The following L3MBTL1 variants were observed in gnomAD, a reference collection of about 807,000 sequenced individuals.
The protein encoded by L3MBTL1 is lethal(3)malignant brain tumor-like protein 1.
In L3MBTL1, 75 loss-of-function variants were observed where a neutral mutation model predicts 105.3. The ratio of observed to expected loss-of-function variants is 0.71; its 90% CI spans 0.59 to 0.86. L3MBTL1 has a LOEUF of 0.86. L3MBTL1 is among the 40% of genes least tolerant of loss of function. The pLI, the probability that L3MBTL1 is intolerant of heterozygous loss-of-function variation, is 0.00. For synonymous variants in L3MBTL1, 452 were observed against 436.2 expected, an observed-to-expected ratio of 1.04 and a Z score of -0.45; for missense variants, 1,069 against 1,126.4, an observed-to-expected ratio of 0.95 and a Z score of 0.73.
chr20:43,508,364 C>A (rs978559879), intron 1 of L3MBTL1, among the ~76,000 whole-genome samples: 1 of 152,162 alleles, frequency 6.6e-6, no homozygotes, highest in Non-Finnish European at 1.5e-5. Flanking sequence ...ACCCTGCGCT[C>A]AGGGCCGCTT....
intron 19 of L3MBTL1, 119 bp from the exon 20 acceptor site, chr20:43,540,032 G>A: frequency 3.5e-6 from 4 of 1,140,696 alleles, no homozygotes; most frequent in Non-Finnish European, 5.1e-6. Flanking sequence ...GCTGTCAGAA[G>A]GGGCCCGGAG....
At chr20:43,525,771 A>T (rs1477369827) in intron 7 of L3MBTL1, among the ~76,000 whole-genome samples, 1 of 152,160 alleles carries the variant, frequency 6.6e-6, no homozygotes, top group Non-Finnish European at 1.5e-5. Flanking sequence ...GGTTACTATG[A>T]GCCCTCCCTA....
chr20:43,511,815 C>T (rs1446924190), intron 1 of L3MBTL1, among the ~76,000 whole-genome samples: 1 of 151,274 alleles, frequency 6.6e-6, no homozygotes, highest in Admixed American at 6.6e-5. Context: ...TAAAGAAAGA[C>T]CTCTTCTGAG....
chr20:43,547,167 C>T (rs1278976751), intron 18 of L3MBTL1, among the ~76,000 whole-genome samples: 9 of 146,212 alleles, frequency 6.2e-5, no homozygotes, highest in South Asian at 2.2e-4. Context: ...TGCAGTGGCG[C>T]GATCTCGGCT....
At chr20:43,537,849 T>C (rs1404807252) in intron 19 of L3MBTL1, among the ~76,000 whole-genome samples, 6 of 152,180 alleles carry the variant, frequency 3.9e-5, no homozygotes, top group African/African-American at 1.2e-4. Flanking sequence ...AACATAGTGA[T>C]AAAAAGCATA....
intron 7 of L3MBTL1, among the ~76,000 whole-genome samples, chr20:43,521,498 T>C (rs1246624875): frequency 1.3e-5 from 2 of 152,072 alleles, no homozygotes. Flanking sequence ...AGAATAGAGC[T>C]AAGAGAGTGT....
rs1202383209 is a variant in L3MBTL1 at position 43,541,846 on chromosome 20, C to T, written c.*718C>T. 1.0e-6 allele frequency: 1 copy of T among 985,250 alleles called. No homozygotes were observed. The highest frequency in any genetic ancestry group is 1.1e-4 in the East Asian group (1 of 8,808). The allele number at this position is 985,250 out of a possible 1,614,324, so 61.0% of individuals were successfully genotyped here. A position where few individuals can be genotyped will look rare whatever the true frequency, so the allele number is the denominator to read the frequency against. On this transcript the variant is annotated 3_prime_UTR_variant, in exon 22 of 22. Transcript: ENST00000418998. ...TGTAGATCCAATCACTTTACCTATACAAAATGACTGCTATGGTGGGAACAC... is the reference window on the plus strand; with the variant it reads ...TGTAGATCCAATCACTTTACCTATATAAAATGACTGCTATGGTGGGAACAC...
At chr20:43,521,842 T>G (rs2145412860) in intron 7 of L3MBTL1, among the ~76,000 whole-genome samples, 1 of 152,304 alleles carries the variant, frequency 6.6e-6, no homozygotes, top group Middle Eastern at 3.4e-3. Flanking sequence ...CATACGCCAC[T>G]GCACCTGGCT....
Position 43,540,130 on chromosome 20 carries a change from G to A in L3MBTL1, c.2174-21G>A, listed in dbSNP as rs373456146. On this transcript the variant is annotated intron_variant, in intron 19 of 21. Transcript: ENST00000418998. Reference sequence around the variant, plus strand: ...TTTAGTCATCCTCGTTGGCCTGCCAGCCTCTGCCTCTGCTTTCCAGCCCTC... The same window carrying A: ...TTTAGTCATCCTCGTTGGCCTGCCAACCTCTGCCTCTGCTTTCCAGCCCTC... 3.7e-6 allele frequency: 6 copies of A among 1,608,826 alleles called. No homozygotes were observed. In the African/African-American group the frequency reaches 6.7e-5, roughly 18 times the overall value.
At chr20:43,536,918 C>T (rs2019660952) in intron 19 of L3MBTL1, among the ~76,000 whole-genome samples, 1 of 152,156 alleles carries the variant, frequency 6.6e-6, no homozygotes, top group Non-Finnish European at 1.5e-5. Context: ...TGGTTACTAC[C>T]ACTGCTTACT....
Position 43,522,457 on chromosome 20 carries a change from G to GTTTTT in L3MBTL1, c.863-6173_863-6169dup, listed in dbSNP as rs1176856356. ...TGGTAACTGAATTTTTCCCTGCTAA[G>GTTTTT]TTTTTTTTTTTTTTTTTTTTTTTTT... is the stretch of plus-strand genomic sequence containing the variant. On this transcript the variant is annotated intron_variant, in intron 7 of 21. Coordinates refer to ENST00000418998, the MANE Select transcript of L3MBTL1 (RefSeq NM_001377303.1). Among the ~76,000 whole-genome samples the GTTTTT allele has an allele frequency of 7.6e-4, 73 of 95,858 alleles. 12 individuals carry two copies. The highest frequency in any genetic ancestry group is 9.6e-4 in the Non-Finnish European group (51 of 53,106). 62.9% of individuals were successfully genotyped at this position (95,858 alleles called of 152,430 possible).
In L3MBTL1 at chr20:43,534,401, C is replaced by T. The variant is rs150873776; in HGVS notation, c.1710+7C>T. ...GGAGGACCATCGGATAAAGGTGGCT[C>T]TGGGACCCTAGGGCTGGGAAGTGGA... On this transcript the variant is annotated splice_region_variant and intron_variant, in intron 15 of 21. Transcript: ENST00000418998. 8,865 of 1,612,908 alleles carry T rather than the reference C, an allele frequency of 5.5e-3. 41 individuals carry two copies. Among genetic ancestry groups the T allele is most frequent in the Admixed American group, 6.7e-3 (404 of 60,002 alleles).
intron 5 of L3MBTL1, 59 bp downstream of exon 5, chr20:43,515,218 C>T (rs2018324215): frequency 1.2e-6 from 2 of 1,613,778 alleles, no homozygotes; most frequent in South Asian, 2.2e-5. Context: ...AGCCTCATTC[C>T]TGTTCAGGGG....
At chr20:43,522,993 A>G (rs2018814624) in intron 7 of L3MBTL1, among the ~76,000 whole-genome samples, 1 of 151,826 alleles carries the variant, frequency 6.6e-6, no homozygotes, top group African/African-American at 2.4e-5. Context: ...CTGTAATCCC[A>G]GCTACTCAGG....
intron 7 of L3MBTL1, among the ~76,000 whole-genome samples, chr20:43,528,444 G>A (rs2019145026): frequency 6.6e-6 from 1 of 152,174 alleles, no homozygotes; most frequent in Non-Finnish European, 1.5e-5. Context: ...TGGGGGGGAA[G>A]TGACGGGCAG....
At chr20:43,516,797 T>A (rs1006970708) in intron 7 of L3MBTL1, among the ~76,000 whole-genome samples, 3 of 152,062 alleles carry the variant, frequency 2.0e-5, no homozygotes, top group African/African-American at 7.2e-5. Flanking sequence ...TTTTTTAAAT[T>A]AAAAGTTTTG....
chr20:43,515,203 C>T, intron 5 of L3MBTL1, 44 bp downstream of exon 5: 1 of 1,614,042 alleles, frequency 6.2e-7, no homozygotes, highest in Non-Finnish European at 8.5e-7. Flanking sequence ...ACCTTCAGCC[C>T]CCAAAGCCTC....
chr20:43,514,275 A>G, intron 3 of L3MBTL1: 1 of 778,124 alleles, frequency 1.3e-6, no homozygotes, highest in Non-Finnish European at 2.0e-6. Flanking sequence ...GGAGTGAGGC[A>G]CTCTGGGACT....
At chr20:43,547,697 T>A (rs1978713914) in intron 18 of L3MBTL1, among the ~76,000 whole-genome samples, 1 of 152,246 alleles carries the variant, frequency 6.6e-6, no homozygotes, top group Admixed American at 6.5e-5. Context: ...CTGCTTGTCT[T>A]GCTGTTAGCA....
Sources: gnomAD v4.1 joint callset for allele counts (sites outside exome capture counted in the v4.1 genomes callset) on GRCh38, gnomAD v4.1.1 for gene constraint, MANE v1.5 for transcripts, NCBI Gene and HGNC (gene_info 2026-07-23, HGNC 2026-07-21) for gene names.